The following DLGAP3 variants were observed in gnomAD, a reference collection of about 807,000 sequenced individuals.
The protein encoded by DLGAP3 is DLG associated protein 3, also known as disks large-associated protein 3.
A neutral mutation model predicts 81.2 loss-of-function variants in DLGAP3; 17 were observed. That is an observed-to-expected ratio of 0.21 (90% CI 0.14 to 0.31). DLGAP3 has a LOEUF of 0.31. DLGAP3 is among the 10% of genes least tolerant of loss of function. The probability of loss-of-function intolerance (pLI) is 1.00; values close to 1 mark genes in which losing one functional copy is unlikely to be tolerated. For missense variants in DLGAP3, 1,124 were observed against 1,388.0 expected, an observed-to-expected ratio of 0.81 and a Z score of 3.02; for synonymous variants, 577 against 587.4, an observed-to-expected ratio of 0.98 and a Z score of 0.26.
chr1:34,886,158 C>T lies in DLGAP3; in HGVS notation c.1514G>A (p.Arg505Gln). ...CFRMRSHSYL[R>Q]AIQAGCSQDD... ...TTGAGAGCAGCCGGCCTGGATGGCC[C>T]GGAGGTAGCTGTGGCTCCGCATGCG... Residue 505 changes from arginine (R) to glutamine (Q), a missense_variant, in exon 6 of 12, where the codon CGG becomes CAG. Physicochemically the swap from Arg to Gln is conservative, Grantham distance 43. This residue lies in a region of DLGAP3 where 11 missense variants were observed against 35.2 expected (regional missense o/e 0.31). Coordinates refer to ENST00000373347, the MANE Select transcript of DLGAP3 (RefSeq NM_001080418.3). 1 of 1,609,932 alleles carries T rather than the reference C, an allele frequency of 6.2e-7. No individual in the cohort carries two copies. The highest frequency in any genetic ancestry group is 8.5e-7 in the Non-Finnish European group (1 of 1,178,890).
chr1:34,899,580 G>T, intron 5 of DLGAP3, 89 bp downstream of exon 5: 1 of 1,188,716 alleles, frequency 8.4e-7, no homozygotes, highest in Non-Finnish European at 1.3e-6. Context: ...CTCTCCACAG[G>T]CAGACCCTCT....
intron 5 of DLGAP3, among the ~76,000 whole-genome samples, chr1:34,889,266 G>A (rs1639279106): frequency 6.6e-6 from 1 of 152,158 alleles, no homozygotes; most frequent in South Asian, 2.1e-4. Context: ...ACTCCCTGGG[G>A]TCATACACCC....
intron 5 of DLGAP3, among the ~76,000 whole-genome samples, chr1:34,898,852 T>C (rs1160689542): frequency 6.6e-6 from 1 of 152,172 alleles, no homozygotes; most frequent in Non-Finnish European, 1.5e-5. Flanking sequence ...TAAAATGCCA[T>C]TTTTGGGCCA....
In DLGAP3 at chr1:34,900,486, T is replaced by C. The variant is rs1288234460; in HGVS notation, c.1108-213A>G. On this transcript the variant is annotated intron_variant, in intron 3 of 11. Coordinates refer to ENST00000373347, the MANE Select transcript of DLGAP3 (RefSeq NM_001080418.3). The surrounding 1 kb of genome is among the most constrained non-coding windows in gnomAD (Gnocchi z 5.6). ...CCTCCACAGACCTTCTGCACTTAAT[T>C]AAGGGCCACCTAGAGAGTCTGAGGG... 1.3e-5 allele frequency among the ~76,000 whole-genome samples: 2 copies of C among 152,136 alleles called. No individual in the cohort carries two copies. Among genetic ancestry groups the C allele is most frequent in the Admixed American group, 1.3e-4 (2 of 15,280 alleles).
At chr1:34,910,917 T>C (rs758928358) in intron 1 of DLGAP3, among the ~76,000 whole-genome samples, 2 of 152,166 alleles carry the variant, frequency 1.3e-5, no homozygotes, top group Admixed American at 6.6e-5. Flanking sequence ...GCTTAGCATA[T>C]GGCAGGCATT....
At position 34,886,238 on chromosome 1, in the gene DLGAP3, C is replaced by T; in HGVS notation, c.1434G>A (p.Val478=). 2 of 1,609,676 alleles carry T rather than the reference C, an allele frequency of 1.2e-6. No homozygotes were observed. The highest frequency in any genetic ancestry group is 1.7e-6 in the Non-Finnish European group (2 of 1,178,332). The stretch of plus-strand genomic sequence containing the variant: ...CGGCCTGGGACTCCAGCTCCCCAAA[C>T]ACCGACCCGCACACGGCCTCCAGCT... The part of the protein sequence containing the change: ...NQQLEAVCGS[V]FGELESQAVD... The change falls in exon 6 of 12, where the codon GTG becomes GTA. Residue 478 remains valine, a synonymous_variant. Coordinates refer to ENST00000373347, the MANE Select transcript of DLGAP3 (RefSeq NM_001080418.3).
In DLGAP3 at chr1:34,904,398, C is replaced by T. The variant is rs1412135893; in HGVS notation, c.986G>A (p.Arg329Gln). The T allele has an allele frequency of 7.4e-6, 12 of 1,613,912 alleles. No homozygotes were observed. The highest frequency in any genetic ancestry group is 2.7e-5 in the African/African-American group (2 of 75,064). The stretch of plus-strand genomic sequence containing the variant: ...GACCATCATGGTATGCCAGGCACTT[C>T]GCTTGACCGACTGTCCATCCAGTGA... ...SMSLDGQSVKRSAWHTMMVSQ... is the reference protein window; with the variant it reads ...SMSLDGQSVKQSAWHTMMVSQ... Residue 329 changes from arginine (R) to glutamine (Q), a missense_variant, in exon 3 of 12, where the codon CGA (arginine) becomes CAA (glutamine). By Grantham distance (43) the Arg-to-Gln change is conservative (BLOSUM62 1). Coordinates refer to ENST00000373347, the MANE Select transcript of DLGAP3 (RefSeq NM_001080418.3). The surrounding 1 kb of genome is among the most constrained non-coding windows in gnomAD (Gnocchi z 8.1).
rs1018290449 is a variant in DLGAP3, at chr1:34,873,768, T to C, written c.2001-4679A>G. 2.6e-5 allele frequency among the ~76,000 whole-genome samples: 4 copies of C among 152,178 alleles called. No individual in the cohort carries two copies. The highest frequency in any genetic ancestry group is 9.7e-5 in the African/African-American group (4 of 41,436). On this transcript the variant is annotated intron_variant, in intron 8 of 11. Transcript: ENST00000373347. This position sits in a 1 kb window ranked among gnomAD's most constrained non-coding sequence, Gnocchi z 4.2. The stretch of plus-strand genomic sequence containing the variant: ...CCATATCACATTGTATCATGGCTGG[T>C]TATTTGCATAAGTGTCTCCTCACTA...
intron 1 of DLGAP3, among the ~76,000 whole-genome samples, chr1:34,922,539 C>T (rs540333104): frequency 6.6e-6 from 1 of 152,178 alleles, no homozygotes; most frequent in Non-Finnish European, 1.5e-5. Flanking sequence ...CACACACACA[C>T]AGACATGCAC....
intron 1 of DLGAP3, among the ~76,000 whole-genome samples, chr1:34,911,861 A>G (rs187492650): frequency 1.1e-4 from 17 of 152,326 alleles, no homozygotes; most frequent in African/African-American, 3.8e-4. Context: ...AAGGAGTCAG[A>G]GTGTTTTCTC....
intron 1 of DLGAP3, among the ~76,000 whole-genome samples, chr1:34,922,586 A>C (rs375843241): frequency 3.3e-5 from 5 of 152,178 alleles, no homozygotes; most frequent in Non-Finnish European, 5.9e-5. Flanking sequence ...TCACATTCAC[A>C]TATATACATG....
chr1:34,885,350 G>T, intron 7 of DLGAP3, 128 bp downstream of exon 7: 3 of 1,065,592 alleles, frequency 2.8e-6, no homozygotes, highest in Non-Finnish European at 4.2e-6. Context: ...GTCCAGGCAC[G>T]GGGTTCACTT....
chr1:34,870,670 A>T (rs1638966548), intron 8 of DLGAP3, among the ~76,000 whole-genome samples: 1 of 152,194 alleles, frequency 6.6e-6, no homozygotes, highest in Non-Finnish European at 1.5e-5. Context: ...GAGAGGGAGA[A>T]GGAGAGAGAA....
In DLGAP3 at chr1:34,886,151, G is replaced by A. The variant is rs938017397; in HGVS notation, c.1521C>T (p.Ile507=). The A allele has an allele frequency of 8.7e-6, 14 of 1,609,462 alleles. No individual in the cohort carries two copies. The highest frequency in any genetic ancestry group is 1.1e-5 in the Non-Finnish European group (13 of 1,178,820). Residue 507 remains isoleucine, a synonymous_variant, in exon 6 of 12, where the codon ATC becomes ATT. Transcript: ENST00000373347. ...RMRSHSYLRA[I]QAGCSQDDDC... is the part of the protein sequence containing the mutation. ...CGTCGTCTTGAGAGCAGCCGGCCTG[G>A]ATGGCCCGGAGGTAGCTGTGGCTCC...
chr1:34,883,460 A>G (rs935212493), intron 8 of DLGAP3, among the ~76,000 whole-genome samples: 6 of 152,174 alleles, frequency 3.9e-5, no homozygotes, highest in Non-Finnish European at 8.8e-5. Flanking sequence ...CTCTAAAGGG[A>G]GTGAGTGGGC....
At chr1:34,910,216 C>T (rs1162192315) in intron 1 of DLGAP3, among the ~76,000 whole-genome samples, 1 of 152,132 alleles carries the variant, frequency 6.6e-6, no homozygotes, top group East Asian at 1.9e-4. Flanking sequence ...ATAAGGAATG[C>T]GCTCTTTATT....
chr1:34,894,494 C>T (rs1316015106), intron 5 of DLGAP3, among the ~76,000 whole-genome samples: 1 of 152,144 alleles, frequency 6.6e-6, no homozygotes, highest in African/African-American at 2.4e-5. Flanking sequence ...ATCTCAACAG[C>T]AACCTGAGAG....
chr1:34,869,148 C>T, intron 8 of DLGAP3, 59 bp from the exon 9 acceptor site: 1 of 1,265,692 alleles, frequency 7.9e-7, no homozygotes, highest in South Asian at 1.4e-5. Context: ...CTCTCACCCC[C>T]ACCCCAAGCA....
At chr1:34,915,388 C>T (rs979008762) in intron 1 of DLGAP3, among the ~76,000 whole-genome samples, 3 of 152,182 alleles carry the variant, frequency 2.0e-5, no homozygotes, top group African/African-American at 7.2e-5. Flanking sequence ...CCTGCCAGGG[C>T]CATCAAAGAA....
Sources: allele counts gnomAD v4.1 joint callset (sites outside exome capture counted in the v4.1 genomes callset), GRCh38; gene constraint gnomAD v4.1.1; regional missense constraint gnomAD v4.1.1; non-coding constraint Gnocchi (gnomAD v3.1); transcripts MANE v1.5; gene names NCBI Gene and HGNC (gene_info 2026-07-23, HGNC 2026-07-21).